Variants in KNDC1 observed in about 807,000 individuals in gnomAD.
KNDC1 encodes the protein kinase non-catalytic C-lobe domain-containing protein 1.
In KNDC1, 106 loss-of-function variants were observed where a neutral mutation model predicts 172.8. The observed-to-expected ratio is 0.61, with a 90% CI of 0.52 to 0.72. The LOEUF is 0.72. KNDC1 is among the 30% of genes least tolerant of loss of function. KNDC1 has a pLI of 0.00. For synonymous variants in KNDC1, 1,083 were observed against 1,062.2 expected (o/e 1.02, Z -0.38); for missense variants, 2,325 against 2,394.5 (o/e 0.97, Z 0.61).
chr10:133,166,957 G>A (rs553917808), intron 1 of KNDC1, among the ~76,000 whole-genome samples: 6 of 152,316 alleles, frequency 3.9e-5, no homozygotes, highest in South Asian at 4.1e-4. Flanking sequence ...TCAGGATCAC[G>A]CCCCGTTAGC....
intron 10 of KNDC1, among the ~76,000 whole-genome samples, 188 bp from the exon 11 acceptor site, chr10:133,196,870 A>G (rs1854206623): frequency 6.6e-6 from 1 of 152,160 alleles, no homozygotes; most frequent in Non-Finnish European, 1.5e-5. Flanking sequence ...ACAGTGGCCG[A>G]CTGTGAGCCC....
Position 133,213,995 on chromosome 10 carries a change from C to T in KNDC1, c.4550C>T (p.Ser1517Leu), listed in dbSNP as rs766096207. Residue 1517 changes from serine (S) to leucine (L), a missense_variant, in exon 26 of 30, where the codon TCG becomes TTG. Transcript: ENST00000304613. ...IPKASSSESLSAKTCSLFLPN... is the reference protein window; with the variant it reads ...IPKASSSESLLAKTCSLFLPN... ...AGAGCCAGCTCTTCTGAGTCTCTTT[C>T]GGCCAAAACCTGCAGCTTATTTCTG... The T allele has an allele frequency of 4.3e-5, 70 of 1,614,060 alleles. No homozygotes were observed. Among genetic ancestry groups the T allele is most frequent in the African/African-American group, 6.7e-5 (5 of 74,934 alleles).
At chr10:133,169,143 T>C (rs1853288053) in intron 3 of KNDC1, among the ~76,000 whole-genome samples, 1 of 152,174 alleles carries the variant, frequency 6.6e-6, no homozygotes, top group South Asian at 2.1e-4. Flanking sequence ...AGCTATGTCA[T>C]GACCTTAAAA....
chr10:133,164,237 G>A (rs549281844), intron 1 of KNDC1: 1 of 152,624 alleles, frequency 6.6e-6, no homozygotes, highest in South Asian at 2.1e-4. Context: ...GGCTCACCCA[G>A]GCACGCCCTG....
At chr10:133,204,238 G>A (rs1182548725) in intron 17 of KNDC1, among the ~76,000 whole-genome samples, 1 of 152,236 alleles carries the variant, frequency 6.6e-6, no homozygotes, top group East Asian at 1.9e-4. Flanking sequence ...GCCCAGCCCG[G>A]TAGGTCCTTC....
chr10:133,212,293 G>A (rs565069964), intron 23 of KNDC1, among the ~76,000 whole-genome samples: 46 of 149,720 alleles, frequency 3.1e-4, no homozygotes, highest in African/African-American at 6.2e-4. Context: ...ACACACACAC[G>A]CATGCACCCT....
rs1218184004 is a variant in KNDC1, at chr10:133,160,479, G to A, written c.12G>A (p.Met4Ile). Residue 4 changes from methionine to isoleucine, a missense_variant, in exon 1 of 30, where the codon ATG becomes ATA. By Grantham distance (10) the Met-to-Ile change is conservative. Transcript: ENST00000304613. ...GGCGCGGCCGCAGGATGCAGGCCAT[G>A]GACCCGGCCGCGGCGGATCTTTACG... MQA[M>I]DPAAADLYEE... 4 of 1,581,072 alleles carry A rather than the reference G, an allele frequency of 2.5e-6. No individual in the cohort carries two copies. The highest frequency in any genetic ancestry group is 3.4e-6 in the Non-Finnish European group (4 of 1,165,778).
intron 25 of KNDC1, 76 bp from the exon 26 acceptor site, chr10:133,213,896 T>C (rs1845424069): frequency 2.5e-6 from 4 of 1,582,138 alleles, no homozygotes; most frequent in Non-Finnish European, 3.5e-6. Flanking sequence ...CAGCCCACCC[T>C]GCACCAGCAG....
At chr10:133,215,733 C>G (rs965010223) in intron 26 of KNDC1, among the ~76,000 whole-genome samples, 28 of 152,252 alleles carry the variant, frequency 1.8e-4, no homozygotes, top group African/African-American at 6.8e-4. Flanking sequence ...TGAGACCCAC[C>G]TCGAGCCTGC....
At chr10:133,183,205 C>A in intron 3 of KNDC1, 139 bp from the exon 4 acceptor site, 1 of 1,071,942 alleles carries the variant, frequency 9.3e-7, no homozygotes, top group Non-Finnish European at 1.3e-6. Context: ...GTGTGGGCAG[C>A]GTGGGCACGG....
In KNDC1 at chr10:133,211,765, CACAG is replaced by C. The variant is rs1447427675; in HGVS notation, c.4146_4149del (p.Asp1383TrpfsTer81). 3 of 1,610,648 alleles carry C rather than the reference CACAG, an allele frequency of 1.9e-6. No homozygotes were observed. The highest frequency in any genetic ancestry group is 2.5e-6 in the Non-Finnish European group (3 of 1,179,342). On this transcript the variant is annotated frameshift_variant, in exon 23 of 30. Transcript: ENST00000304613. LOFTEE classifies it high-confidence loss of function. Reference sequence around the variant, plus strand: ...GGCGGGCCGAGGGCAACCCTCGCGGCACAGACCTGGAGAACCCCAGGGAGGCCGA... The same window carrying C: ...GGCGGGCCGAGGGCAACCCTCGCGGCACCTGGAGAACCCCAGGGAGGCCGA...
At chr10:133,213,883 C>T (rs1007093200) in intron 25 of KNDC1, 89 bp from the exon 26 acceptor site, 2 of 1,553,710 alleles carry the variant, frequency 1.3e-6, no homozygotes, top group South Asian at 1.1e-5. Flanking sequence ...CGTGGCCCGA[C>T]CCCAGCCCAC....
chr10:133,214,057 C>G lies in KNDC1; in HGVS notation c.4612C>G (p.Leu1538Val), dbSNP rs531231965. 2 of 1,614,218 alleles carry G rather than the reference C, an allele frequency of 1.2e-6. No individual in the cohort carries two copies. Among genetic ancestry groups the G allele is most frequent in the East Asian group, 4.5e-5 (2 of 44,890 alleles). ...TCAGGACAAGTATCTGTTACAGCTT[C>G]TAAGAAACGCAGATGACGTCAGCAC... Reference protein sequence around the residue: ...YVQDKYLLQLLRNADDVSTWV... With the variant: ...YVQDKYLLQLVRNADDVSTWV... Residue 1538 changes from leucine (L) to valine (V), a missense_variant, in exon 26 of 30, where the codon CTA (leucine) becomes GTA (valine). Coordinates refer to ENST00000304613, the MANE Select transcript of KNDC1 (RefSeq NM_152643.8).
At position 133,209,405 on chromosome 10, in the gene KNDC1, C is replaced by G. The variant is rs1024239197; in HGVS notation, c.3795-1206C>G. On this transcript the variant is annotated intron_variant, in intron 20 of 29. Transcript: ENST00000304613. The surrounding 1 kb of genome is among the most constrained non-coding windows in gnomAD (Gnocchi z 4.9). ...TGTGGCATGTGTGCACATGTGTGAT[C>G]TGTGGTGTGTGGCGGGTATAGTGTG... Among the ~76,000 whole-genome samples the G allele has an allele frequency of 2.8e-5, 4 of 144,310 alleles. No individual in the cohort carries two copies. Among genetic ancestry groups the G allele is most frequent in the African/African-American group, 7.6e-5 (3 of 39,306 alleles). 94.7% of individuals were successfully genotyped at this position (144,310 alleles called of 152,430 possible). A position where few individuals can be genotyped will look rare whatever the true frequency, so the allele number is the denominator to read the frequency against.
intron 11 of KNDC1, among the ~76,000 whole-genome samples, 183 bp downstream of exon 11, chr10:133,197,318 C>T (rs1207582126): frequency 1.3e-5 from 2 of 152,156 alleles, no homozygotes; most frequent in Non-Finnish European, 2.9e-5. Context: ...AAAGGCCCCA[C>T]AGTGGCCCCC....
At chr10:133,194,241 A>G (rs1854129241) in intron 9 of KNDC1, among the ~76,000 whole-genome samples, 1 of 152,260 alleles carries the variant, frequency 6.6e-6, no homozygotes, top group South Asian at 2.1e-4. Flanking sequence ...GACCACAGTA[A>G]CAAAAATAAA....
rs1312107831 is a variant in KNDC1, at chr10:133,224,881, A to G, written c.5241A>G (p.Thr1747=). The G allele has an allele frequency of 3.1e-6, 5 of 1,610,576 alleles. No individual in the cohort carries two copies. Among genetic ancestry groups the G allele is most frequent in the Non-Finnish European group, 4.2e-6 (5 of 1,177,352 alleles). ...IQDKLRRMKA[T]FQ ...ACAAGCTACGGAGGATGAAGGCTAC[A>G]TTCCAGTAGCCGAGCTCGGGCCTGG... is the stretch of plus-strand genomic sequence containing the variant. Residue 1747 remains threonine, a synonymous_variant, in exon 30 of 30, where the codon ACA becomes ACG. Transcript: ENST00000304613. The surrounding 1 kb of genome is among the most constrained non-coding windows in gnomAD (Gnocchi z 5.4).
chr10:133,209,137 GGT>G lies in KNDC1; in HGVS notation c.3795-1468_3795-1467del, dbSNP rs1845292929. Among the ~76,000 whole-genome samples, 1 of 151,828 alleles carries G rather than the reference GGT, an allele frequency of 6.6e-6. No homozygotes were observed. The highest frequency in any genetic ancestry group is 2.1e-4 in the South Asian group (1 of 4,812). ...ATGTGGAGTATTGTGTGGCGTGTGT[GGT>G]GTGTGGTTGGGTATTGCGTGGCAGG... On this transcript the variant is annotated intron_variant, in intron 20 of 29. Transcript: ENST00000304613. This position sits in a 1 kb window ranked among gnomAD's most constrained non-coding sequence, Gnocchi z 4.9.
intron 15 of KNDC1, among the ~76,000 whole-genome samples, chr10:133,200,089 G>A (rs928468393): frequency 3.3e-5 from 5 of 152,064 alleles, no homozygotes; most frequent in Admixed American, 6.5e-5. Flanking sequence ...CTCCGCGTGC[G>A]TGTGGAGTAA....
Sources: gnomAD v4.1 joint callset for allele counts (sites outside exome capture counted in the v4.1 genomes callset) on GRCh38, gnomAD v4.1.1 for gene constraint, Gnocchi (gnomAD v3.1) non-coding constraint, MANE v1.5 for transcripts, NCBI Gene and HGNC (gene_info 2026-07-23, HGNC 2026-07-21) for gene names.